MUCL3: variants seen among roughly 807,000 people sequenced by gnomAD.
MUCL3 encodes the protein mucin like 3.
MUCL3 carries 42 observed loss-of-function variants against 70.2 expected under a neutral mutation model. That is an observed-to-expected ratio of 0.60 (90% CI 0.47 to 0.77). MUCL3 has a LOEUF of 0.77. Ranked by LOEUF, MUCL3 falls within the 30% of genes least tolerant of loss-of-function variation. The pLI is 0.00. For synonymous variants in MUCL3, 522 were observed against 647.0 expected (o/e 0.81, Z 2.93); for missense variants, 1,429 against 1,670.0 (o/e 0.86, Z 2.52).
intron 1 of MUCL3, among the ~76,000 whole-genome samples, chr6:30,944,186 C>CCCTT (rs940246857): frequency 6.6e-6 from 1 of 151,826 alleles, no homozygotes; most frequent in Non-Finnish European, 1.5e-5. Flanking sequence ...TATTCTTTCT[C>CCCTT]CCTTCCTTCC....
At position 30,952,101 on chromosome 6, in the gene MUCL3, G is replaced by T. The variant is rs11970154; in HGVS notation, c.3637G>T (p.Gly1213Trp). The change falls in exon 2 of 3, where the codon GGG becomes TGG. Residue 1213 changes from glycine to tryptophan, a missense_variant. Coordinates refer to ENST00000462446, the MANE Select transcript of MUCL3 (RefSeq NM_080870.4). ...CCCAGAAAAGCCTACAGAAAACCTG[G>T]GGAACACCACACTGACCACTGAGAC... ...PVPEKPTENL[G>W]NTTLTTETIK... The T allele has an allele frequency of 1.9e-6, 3 of 1,607,702 alleles. No individual in the cohort carries two copies. The highest frequency in any genetic ancestry group is 1.7e-6 in the Non-Finnish European group (2 of 1,178,526).
intron 1 of MUCL3, among the ~76,000 whole-genome samples, chr6:30,944,520 C>T (rs1296720630): frequency 2.6e-5 from 4 of 152,130 alleles, no homozygotes; most frequent in Non-Finnish European, 4.4e-5. Context: ...GACCTCAGGC[C>T]CACAATGGCC....
At chr6:30,948,449 T>C (rs1760409063) in intron 1 of MUCL3, 98 bp from the exon 2 acceptor site, 1 of 951,536 alleles carries the variant, frequency 1.1e-6, no homozygotes, top group Non-Finnish European at 1.5e-6. Context: ...GGGAGTCATA[T>C]CAGGGGGAAC....
At position 30,948,613 on chromosome 6, in the gene MUCL3, T is replaced by C. The variant is rs563671912; in HGVS notation, c.149T>C (p.Leu50Pro). 4 of 1,550,502 alleles carry C rather than the reference T, an allele frequency of 2.6e-6. No homozygotes were observed. The African/African-American group carries it at 4.1e-5, about 16-fold the overall frequency. The change falls in exon 2 of 3, where the codon CTC becomes CCC. Residue 50 changes from leucine (L) to proline (P), a missense_variant. Transcript: ENST00000462446. ...ELSTSDHIFP[L>P]TPGLVYSIPF... ...TCAACATCCGATCACATATTTCCCC[T>C]CACTCCAGGCCTTGTTTATAGTATC... is the stretch of plus-strand genomic sequence containing the variant.
chr6:30,951,008 A>T lies in MUCL3; in HGVS notation c.2544A>T (p.Thr848=). 3.9e-6 allele frequency: 6 copies of T among 1,550,622 alleles called. No individual in the cohort carries two copies. The highest frequency in any genetic ancestry group is 5.2e-6 in the Non-Finnish European group (6 of 1,146,814). ...AGCCTACAGAAAATAGAGAAAGCAC[A>T]GCCAATGAGAAGACCACACCATTCC... ...PAEPTENRES[T]ANEKTTPFPA... The change falls in exon 2 of 3, where the codon ACA becomes ACT. Residue 848 remains threonine, a synonymous_variant. Transcript: ENST00000462446.
At chr6:30,952,565 T>C (rs1006587896) in intron 2 of MUCL3, 66 bp downstream of exon 2, 2 of 1,490,960 alleles carry the variant, frequency 1.3e-6, no homozygotes, top group Admixed American at 4.5e-5. Flanking sequence ...ACATTAGGGG[T>C]CAGAGTTACA....
intron 2 of MUCL3, 44 bp downstream of exon 2, chr6:30,952,543 G>A: frequency 6.5e-7 from 1 of 1,533,778 alleles, no homozygotes; most frequent in Non-Finnish European, 8.7e-7. Context: ...TATGGGATAG[G>A]GAATTGAGGA....
At chr6:30,945,650 A>G (rs750111548) in intron 1 of MUCL3, among the ~76,000 whole-genome samples, 1 of 152,016 alleles carries the variant, frequency 6.6e-6, no homozygotes, top group African/African-American at 2.4e-5. Context: ...ATCTCAAACA[A>G]CAACAACAAC....
intron 1 of MUCL3, among the ~76,000 whole-genome samples, chr6:30,947,097 GATCA>G (rs1404819040): frequency 6.6e-6 from 1 of 152,172 alleles, no homozygotes; most frequent in Non-Finnish European, 1.5e-5. Flanking sequence ...AGCATTGGGA[GATCA>G]ATCACCATAG....
Position 30,951,620 on chromosome 6 carries a change from T to C in MUCL3, c.3156T>C (p.Asn1052=). 6.5e-7 allele frequency: 1 copy of C among 1,543,324 alleles called. No individual in the cohort carries two copies. The change falls in exon 2 of 3, where the codon AAT becomes AAC. Residue 1052 remains asparagine, a synonymous_variant. Transcript: ENST00000462446. ...TEHEEMTPSA[N]ENTTPSPVKP... Reference sequence around the variant, plus strand: ...ACGAAGAAATGACCCCATCGGCCAATGAGAACACCACACCATCCCCAGTAA... The same window carrying C: ...ACGAAGAAATGACCCCATCGGCCAACGAGAACACCACACCATCCCCAGTAA...
chr6:30,952,997 C>T lies in MUCL3; in HGVS notation c.4062C>T (p.Arg1354=), dbSNP rs150597131. The change falls in exon 3 of 3, where the codon CGC becomes CGT. Residue 1354 remains arginine, a synonymous_variant. Transcript: ENST00000462446. The part of the protein sequence containing the change: ...FLVSYMMRTR[R]TLTQNTQYND... The stretch of plus-strand genomic sequence containing the variant: ...TCTCCTATATGATGCGGACACGCCG[C>T]ACACTAACCCAGAACACCCAGTACA... 311 of 1,614,246 alleles carry T rather than the reference C, an allele frequency of 1.9e-4. 1 individual carries two copies. In the African/African-American group the frequency reaches 3.3e-3, roughly 17 times the overall value.
At chr6:30,941,478 GAGA>G in intron 1 of MUCL3, among the ~76,000 whole-genome samples, 1 of 60,434 alleles carries the variant, frequency 1.7e-5, no homozygotes, top group Middle Eastern at 0.013. Context: ...TTTTTTTTTT[GAGA>G]AGGAGTCTTG....
In MUCL3 at chr6:30,951,196, A is replaced by G. The variant is rs1227799980; in HGVS notation, c.2732A>G (p.Asn911Ser). 16 of 1,552,020 alleles carry G rather than the reference A, an allele frequency of 1.0e-5. No homozygotes were observed. Among genetic ancestry groups the G allele is most frequent in the Non-Finnish European group, 1.3e-5 (15 of 1,147,066 alleles). ...TENGERTPFTNEKTTPSSAEP... is the reference protein window; with the variant it reads ...TENGERTPFTSEKTTPSSAEP... Reference sequence around the variant, plus strand: ...AATGGAGAAAGGACCCCATTTACCAATGAGAAGACCACACCATCCTCAGCA... The same window carrying G: ...AATGGAGAAAGGACCCCATTTACCAGTGAGAAGACCACACCATCCTCAGCA... The change falls in exon 2 of 3, where the codon AAT (asparagine) becomes AGT (serine). Residue 911 changes from asparagine (N) to serine (S), a missense_variant. Asn to Ser is a conservative substitution (Grantham distance 46, BLOSUM62 1). Transcript: ENST00000462446.
intron 1 of MUCL3, among the ~76,000 whole-genome samples, chr6:30,947,489 A>G (rs372709610): frequency 1.3e-5 from 2 of 152,028 alleles, no homozygotes. Flanking sequence ...ATGTAATGAC[A>G]CTATCTCTTT....
intron 1 of MUCL3, among the ~76,000 whole-genome samples, chr6:30,941,487 T>G (rs1795576344): frequency 7.0e-6 from 1 of 141,924 alleles, no homozygotes; most frequent in African/African-American, 2.7e-5. Flanking sequence ...TGAGAAGGAG[T>G]CTTGCTCTGT....
intron 1 of MUCL3, among the ~76,000 whole-genome samples, chr6:30,945,698 T>C (rs7745305): frequency 0.074 from 11,190 of 151,996 alleles, 518 homozygotes; most frequent in African/African-American, 0.12. Flanking sequence ...CTCATGCCTG[T>C]AATCCCAGCA....
Position 30,950,928 on chromosome 6 carries a change from C to G in MUCL3, c.2464C>G (p.Pro822Ala). The change falls in exon 2 of 3, where the codon CCT becomes GCT. Residue 822 changes from proline to alanine, a missense_variant. Coordinates refer to ENST00000462446, the MANE Select transcript of MUCL3 (RefSeq NM_080870.4). ...NENTTSSPAE[P>A]TENRERTANE... ...GAACACCACATCATCCCCAGCAGAG[C>G]CTACAGAAAATAGAGAAAGGACAGC... The G allele has an allele frequency of 4.5e-6, 7 of 1,548,666 alleles. No individual in the cohort carries two copies. The highest frequency in any genetic ancestry group is 6.1e-6 in the Non-Finnish European group (7 of 1,146,534).
intron 1 of MUCL3, among the ~76,000 whole-genome samples, chr6:30,943,435 T>C (rs1381493289): frequency 6.6e-6 from 1 of 151,280 alleles, no homozygotes; most frequent in Non-Finnish European, 1.5e-5. Context: ...ACAGGTGCAG[T>C]CTAGATTAAA....
intron 2 of MUCL3, 133 bp downstream of exon 2, chr6:30,952,632 G>A (rs1193469597): frequency 3.8e-6 from 4 of 1,063,144 alleles, no homozygotes; most frequent in Non-Finnish European, 5.3e-6. Flanking sequence ...CAGTAATAGA[G>A]GGAGAGTTTT....
Sources: gnomAD v4.1 joint callset for allele counts (sites outside exome capture counted in the v4.1 genomes callset) on GRCh38, gnomAD v4.1.1 for gene constraint, MANE v1.5 for transcripts, NCBI Gene and HGNC (gene_info 2026-07-23, HGNC 2026-07-21) for gene names.